LMBR1: variants seen among roughly 807,000 people sequenced by gnomAD.
LMBR1 encodes the protein limb development membrane protein 1.
Under a neutral mutation model 73.9 loss-of-function variants are expected in LMBR1, and 52 were observed. The ratio of observed to expected loss-of-function variants is 0.70; its 90% CI spans 0.56 to 0.89. LMBR1 has a LOEUF of 0.89. Among genes scored for constraint, LMBR1 ranks in the 40% least tolerant of loss-of-function variants. LMBR1 has a pLI of 0.00. For missense variants in LMBR1, 539 were observed against 579.8 expected (o/e 0.93, Z 0.72); for synonymous variants, 215 against 209.4 (o/e 1.03, Z -0.23).
rs182620163 is a variant in LMBR1, at chr7:156,735,355, T to C, written c.758-1098A>G. ...ATGTTTTCTTCCTGTTACTTTAACA[T>C]GCATTTCCCTAAATGTGGTTGGACA... is the stretch of plus-strand genomic sequence containing the variant. On this transcript the variant is annotated intron_variant, in intron 9 of 16. Transcript: ENST00000353442. 6.6e-5 allele frequency among the ~76,000 whole-genome samples: 10 copies of C among 152,268 alleles called. 1 individual carries two copies. In the East Asian group the frequency reaches 1.7e-3, roughly 26 times the overall value.
chr7:156,689,623 TA>T (rs1806740895), intron 15 of LMBR1, among the ~76,000 whole-genome samples: 1 of 152,176 alleles, frequency 6.6e-6, no homozygotes, highest in Admixed American at 6.5e-5. Flanking sequence ...TGTTTGAAAT[TA>T]AAAGACAGTA....
intron 2 of LMBR1, among the ~76,000 whole-genome samples, chr7:156,835,901 T>C (rs892091186): frequency 6.6e-6 from 1 of 152,354 alleles, no homozygotes; most frequent in Non-Finnish European, 1.5e-5. Context: ...TGCATTTATA[T>C]ACATTCATTC....
At chr7:156,677,678 C>T (rs375061196), downstream of LMBR1, 8 of 152,318 alleles carry the variant, frequency 5.3e-5, no homozygotes, top group East Asian at 1.5e-3. Flanking sequence ...TCTATTTATT[C>T]TTATCTCATC....
intron 1 of LMBR1, among the ~76,000 whole-genome samples, chr7:156,877,594 C>T (rs979833874): frequency 6.6e-6 from 1 of 152,212 alleles, no homozygotes; most frequent in East Asian, 1.9e-4. Flanking sequence ...GTTTAACATA[C>T]GCAAGTCGGC....
rs572125758 is a variant in LMBR1, at chr7:156,831,551, T to C, written c.179+2202A>G. The stretch of plus-strand genomic sequence containing the variant: ...CCTCCTCAGGTGACCCTCTTCCCCA[T>C]GCCCCTCCCTTAACTGTATCACCAC... On this transcript the variant is annotated intron_variant, in intron 3 of 16. Coordinates refer to ENST00000353442, the MANE Select transcript of LMBR1 (RefSeq NM_022458.4). Among the ~76,000 whole-genome samples the C allele has an allele frequency of 2.6e-5, 4 of 152,178 alleles. No homozygotes were observed. In the South Asian group the frequency reaches 8.3e-4, roughly 32 times the overall value.
At chr7:156,690,804 C>T (rs1440680460) in intron 15 of LMBR1, among the ~76,000 whole-genome samples, 1 of 152,180 alleles carries the variant, frequency 6.6e-6, no homozygotes, top group Non-Finnish European at 1.5e-5. Flanking sequence ...TAACAGATCA[C>T]TCTGACCAAC....
At chr7:156,742,254 A>G (rs1819033535) in intron 9 of LMBR1, among the ~76,000 whole-genome samples, 1 of 152,076 alleles carries the variant, frequency 6.6e-6, no homozygotes, top group Non-Finnish European at 1.5e-5. Context: ...AGATTAAACC[A>G]AACCCAAAAT....
intron 1 of LMBR1, among the ~76,000 whole-genome samples, chr7:156,840,186 T>C (rs1353668551): frequency 6.6e-6 from 1 of 152,202 alleles, no homozygotes; most frequent in Admixed American, 6.5e-5. Flanking sequence ...TTCTAGGAAC[T>C]GGGACATAGC....
chr7:156,805,146 G>C lies in LMBR1; in HGVS notation c.320-8654C>G, dbSNP rs914263406. On this transcript the variant is annotated intron_variant, in intron 4 of 16. Transcript: ENST00000353442. ...TGTCAAAAATCAATTGACAATATATGTATGTATCTAATCCTGGACAGTCTA... is the reference window on the plus strand; with the variant it reads ...TGTCAAAAATCAATTGACAATATATCTATGTATCTAATCCTGGACAGTCTA... 2.7e-4 allele frequency among the ~76,000 whole-genome samples: 40 copies of C among 150,230 alleles called. 2 individuals are homozygous for C. Among genetic ancestry groups the C allele is most frequent in the Admixed American group, 2.7e-3 (40 of 15,060 alleles).
intron 9 of LMBR1, among the ~76,000 whole-genome samples, chr7:156,748,880 A>G (rs964257619): frequency 6.6e-6 from 1 of 152,196 alleles, no homozygotes; most frequent in Non-Finnish European, 1.5e-5. Flanking sequence ...ATTATTCCTA[A>G]GCATTCCTCA....
At chr7:156,693,567 C>T (rs1807673335) in intron 15 of LMBR1, among the ~76,000 whole-genome samples, 2 of 152,048 alleles carry the variant, frequency 1.3e-5, no homozygotes, top group South Asian at 4.1e-4. Context: ...TTCCTAGAAA[C>T]ATACAATCTG....
chr7:156,672,918 G>A (rs1802881794), downstream of LMBR1, among the ~76,000 whole-genome samples: 1 of 152,234 alleles, frequency 6.6e-6, no homozygotes, highest in Non-Finnish European at 1.5e-5. Flanking sequence ...TCTTAAACCT[G>A]AATGGGCCTC....
chr7:156,722,738 T>C (rs572040602), intron 15 of LMBR1, among the ~76,000 whole-genome samples: 84 of 152,260 alleles, frequency 5.5e-4, no homozygotes, highest in African/African-American at 1.8e-3. Flanking sequence ...TTTATCTCTA[T>C]GGCAAACTAC....
At chr7:156,770,865 G>A (rs369566825) in intron 5 of LMBR1, among the ~76,000 whole-genome samples, 1 of 152,170 alleles carries the variant, frequency 6.6e-6, no homozygotes, top group Admixed American at 6.5e-5. Context: ...AGTGAGCTAT[G>A]ATCGCGCTAG....
At chr7:156,801,702 T>G (rs1011968068) in intron 4 of LMBR1, among the ~76,000 whole-genome samples, 2 of 152,082 alleles carry the variant, frequency 1.3e-5, no homozygotes, top group African/African-American at 4.8e-5. Flanking sequence ...AGGCTGATTT[T>G]TGTATTTTTT....
In LMBR1 at chr7:156,694,207, C is replaced by A. The variant is rs1430220769; in HGVS notation, c.1226-6016G>T. 2.0e-5 allele frequency among the ~76,000 whole-genome samples: 3 copies of A among 152,188 alleles called. No homozygotes were observed. In the East Asian group the frequency reaches 5.8e-4, roughly 29 times the overall value. The stretch of plus-strand genomic sequence containing the variant: ...ACAGAATCTCACTCTGTCACCCAGG[C>A]TAGAGTGCAGAGCCTCAGCCTCCTG... On this transcript the variant is annotated intron_variant, in intron 15 of 16. Coordinates refer to ENST00000353442, the MANE Select transcript of LMBR1 (RefSeq NM_022458.4).
At chr7:156,883,209 T>C (rs1221017228) in intron 1 of LMBR1, among the ~76,000 whole-genome samples, 3 of 152,114 alleles carry the variant, frequency 2.0e-5, no homozygotes, top group Admixed American at 6.5e-5. Context: ...AAGACCACCC[T>C]GGCCAACAGG....
At chr7:156,729,725 G>A (rs1035026129) in intron 10 of LMBR1, among the ~76,000 whole-genome samples, 8 of 151,978 alleles carry the variant, frequency 5.3e-5, no homozygotes, top group Non-Finnish European at 7.4e-5. Context: ...CACCCACCTC[G>A]GCCTCCCAAA....
At chr7:156,733,917 A>C (rs1817343697) in intron 10 of LMBR1, 1 of 275,972 alleles carries the variant, frequency 3.6e-6, no homozygotes, top group Admixed American at 4.9e-5. Flanking sequence ...AAATAATGCA[A>C]GTGAGAAGGC....
Sources: gnomAD v4.1 joint callset for allele counts (sites outside exome capture counted in the v4.1 genomes callset) on GRCh38, gnomAD v4.1.1 for gene constraint, MANE v1.5 for transcripts, NCBI Gene and HGNC (gene_info 2026-07-23, HGNC 2026-07-21) for gene names.